VPS37D: variants seen among roughly 807,000 people sequenced by gnomAD.
The protein encoded by VPS37D is vacuolar protein sorting-associated protein 37D.
A neutral mutation model predicts 22.0 loss-of-function variants in VPS37D; 5 were observed. The observed-to-expected ratio is 0.23, with a 90% CI of 0.12 to 0.48. The LOEUF (loss-of-function observed/expected upper bound fraction) is 0.48. VPS37D is among the 20% of genes least tolerant of loss of function. The probability of loss-of-function intolerance (pLI) is 0.99; values close to 1 mark genes in which losing one functional copy is unlikely to be tolerated. For missense variants in VPS37D, 384 were observed against 345.8 expected (o/e 1.11, Z -0.88); for synonymous variants, 174 against 159.3 (o/e 1.09, Z -0.69).
At position 73,670,113 on chromosome 7, in the gene VPS37D, G is replaced by C; in HGVS notation, c.393+11G>C. The C allele has an allele frequency of 6.4e-7, 1 of 1,550,542 alleles. No individual in the cohort carries two copies. The highest frequency in any genetic ancestry group is 8.7e-7 in the Non-Finnish European group (1 of 1,146,918). The stretch of plus-strand genomic sequence containing the variant: ...GAGCAGGAGGCAGAGGTGAGGGGAG[G>C]GGTGGCTGGGGCTGGGGGCCAGGAG... On this transcript the variant is annotated intron_variant, in intron 3 of 3. Transcript: ENST00000324941.
At chr7:73,667,361 C>A (rs1797397320), upstream of VPS37D, among the ~76,000 whole-genome samples, 1 of 151,512 alleles carries the variant, frequency 6.6e-6, no homozygotes, top group Non-Finnish European at 1.5e-5. Context: ...AAACTCCTGG[C>A]CTCAAGCGAT....
intron 1 of VPS37D, 146 bp downstream of exon 1, chr7:73,668,242 A>C (rs1584193260): frequency 9.1e-6 from 3 of 330,546 alleles, no homozygotes; most frequent in Non-Finnish European, 1.3e-5. Flanking sequence ...CCGCGGAGCC[A>C]CCCCCGGGGG....
At chr7:73,670,886 C>T (rs1178249061) in intron 3 of VPS37D, 128 bp from the exon 4 acceptor site, 20 of 1,339,878 alleles carry the variant, frequency 1.5e-5, no homozygotes, top group Admixed American at 2.7e-5. Flanking sequence ...CAGGCTGGAA[C>T]GCAGGTCCCC....
upstream of VPS37D, among the ~76,000 whole-genome samples, chr7:73,667,395 C>T (rs1408013096): frequency 1.3e-5 from 2 of 151,014 alleles, no homozygotes; most frequent in African/African-American, 4.9e-5. Context: ...TCTCCCAAAT[C>T]GCTGGAATTA....
chr7:73,666,922 C>T (rs1797385453), upstream of VPS37D, among the ~76,000 whole-genome samples: 1 of 151,654 alleles, frequency 6.6e-6, no homozygotes, highest in Non-Finnish European at 1.5e-5. Context: ...CCACCATGTC[C>T]GGATACTTTT....
chr7:73,670,444 C>T (rs1445345084), intron 3 of VPS37D, among the ~76,000 whole-genome samples: 2 of 152,200 alleles, frequency 1.3e-5, no homozygotes, highest in East Asian at 3.8e-4. Context: ...TAAGTCTATA[C>T]TTCACATATG....
upstream of VPS37D, among the ~76,000 whole-genome samples, chr7:73,665,947 C>T (rs1006343333): frequency 6.6e-6 from 1 of 152,048 alleles, no homozygotes; most frequent in African/African-American, 2.4e-5. Context: ...ACCTCCTGGG[C>T]TCAAGTGATC....
At chr7:73,670,221 G>T in intron 3 of VPS37D, 119 bp downstream of exon 3, 1 of 1,476,920 alleles carries the variant, frequency 6.8e-7, no homozygotes, top group South Asian at 1.3e-5. Context: ...CACCCTGAAT[G>T]CCTGGCGCAT....
upstream of VPS37D, among the ~76,000 whole-genome samples, chr7:73,665,811 T>C (rs1797361517): frequency 6.6e-6 from 1 of 152,198 alleles, no homozygotes; most frequent in Non-Finnish European, 1.5e-5. Context: ...AATTGCTCTT[T>C]GTACTTTTGT....
chr7:73,668,167 A>G, intron 1 of VPS37D, 71 bp downstream of exon 1: 2 of 967,940 alleles, frequency 2.1e-6, no homozygotes, highest in Non-Finnish European at 2.5e-6. Context: ...GCTCGAGGGA[A>G]GGGCCGCGCG....
rs782081329 is a variant in VPS37D at position 73,669,570 on chromosome 7, C to T, written c.290C>T (p.Ala97Val). The change falls in exon 2 of 4, where the codon GCG (alanine) becomes GTG (valine). Residue 97 changes from alanine (A) to valine (V), a missense_variant. Physicochemically the swap from Ala to Val is moderately conservative, Grantham distance 64. Coordinates refer to ENST00000324941, the MANE Select transcript of VPS37D (RefSeq NM_001077621.2). ...CTTCGTGAGGTGGCCGAGAACTGCG[C>T]GGACAAGCTGCAGCGACTGGGTGAG... ...QELREVAENC[A>V]DKLQRLEESM... 1.4e-5 allele frequency: 23 copies of T among 1,592,010 alleles called. No homozygotes were observed. The highest frequency in any genetic ancestry group is 7.0e-5 in the Admixed American group (4 of 56,906).
chr7:73,670,258 A>G (rs1797477500), intron 3 of VPS37D, among the ~76,000 whole-genome samples, 156 bp downstream of exon 3: 1 of 152,160 alleles, frequency 6.6e-6, no homozygotes, highest in Non-Finnish European at 1.5e-5. Context: ...GCTGTCCACC[A>G]GCACTGGACA....
chr7:73,668,037 C>G lies in VPS37D; in HGVS notation c.79C>G (p.Leu27Val). The G allele has an allele frequency of 8.6e-7, 1 of 1,166,100 alleles. No homozygotes were observed. The highest frequency in any genetic ancestry group is 1.1e-6 in the Non-Finnish European group (1 of 934,692). The allele number at this position is 1,166,100 out of a possible 1,614,324, so 72.2% of individuals were successfully genotyped here. The change falls in exon 1 of 4, where the codon CTC becomes GTC. Residue 27 changes from leucine (L) to valine (V), a missense_variant. Transcript: ENST00000324941. ...GRFGILSTGQ[L>V]RDLLQDEPKL... ...CTTTGGGATCCTCAGCACCGGGCAG[C>G]TCCGGGACCTGCTTCAGGATGAGCC...
chr7:73,670,533 C>A (rs782649767), intron 3 of VPS37D, among the ~76,000 whole-genome samples: 3 of 152,188 alleles, frequency 2.0e-5, no homozygotes, highest in Non-Finnish European at 2.9e-5. Context: ...TAGGGCTGGG[C>A]ACAGTGGCTC....
At position 73,671,568 on chromosome 7, in the gene VPS37D, G is replaced by C; in HGVS notation, c.*192G>C. ...CCGAGAGGGGGCTGGGGGTGGGTGG[G>C]CAGGGCTTTATGCCTCTGGCGCTGA... On this transcript the variant is annotated 3_prime_UTR_variant, in exon 4 of 4. Coordinates refer to ENST00000324941, the MANE Select transcript of VPS37D (RefSeq NM_001077621.2). 4 of 157,864 alleles carry C rather than the reference G, an allele frequency of 2.5e-5. No individual in the cohort carries two copies. Among genetic ancestry groups the C allele is most frequent in the Admixed American group, 6.8e-5 (1 of 14,770 alleles). 9.8% of individuals were successfully genotyped at this position (157,864 alleles called of 1,614,324 possible).
intron 1 of VPS37D, among the ~76,000 whole-genome samples, chr7:73,668,332 G>A (rs1797429193): frequency 6.6e-6 from 1 of 151,808 alleles, no homozygotes; most frequent in African/African-American, 2.4e-5. Context: ...CAGGATGGCC[G>A]CGAGGCGTGT....
At chr7:73,668,139 C>A (rs1389344206) in intron 1 of VPS37D, 43 bp downstream of exon 1, 1 of 1,050,282 alleles carries the variant, frequency 9.5e-7, no homozygotes. Context: ...GGACGGGCAG[C>A]GGCCTGCGGG....
chr7:73,666,692 C>A (rs1797379986), upstream of VPS37D, among the ~76,000 whole-genome samples: 1 of 152,116 alleles, frequency 6.6e-6, no homozygotes. Context: ...GGCTACCGTG[C>A]CCGGCCTCTG....
intron 1 of VPS37D, among the ~76,000 whole-genome samples, chr7:73,668,585 C>T (rs1483859216): frequency 1.3e-5 from 2 of 151,460 alleles, no homozygotes; most frequent in Non-Finnish European, 2.9e-5. Context: ...CATAGGCCAC[C>T]GTAAGAGAAA....
Sources: allele counts gnomAD v4.1 joint callset (sites outside exome capture counted in the v4.1 genomes callset), GRCh38; gene constraint gnomAD v4.1.1; transcripts MANE v1.5; gene names NCBI Gene and HGNC (gene_info 2026-07-23, HGNC 2026-07-21).